WT1: variants seen among roughly 807,000 people sequenced by gnomAD.
The protein encoded by WT1 is WT1 transcription factor.
In WT1, 8 loss-of-function variants were observed where a neutral mutation model predicts 60.8. The observed-to-expected ratio is 0.13, with a 90% CI of 0.08 to 0.24. WT1 has a LOEUF of 0.24. Among genes scored for constraint, WT1 ranks in the 10% least tolerant of loss-of-function variants. The probability of loss-of-function intolerance (pLI) is 1.00; values close to 1 mark genes in which losing one functional copy is unlikely to be tolerated. For missense variants in WT1, 568 were observed against 711.8 expected (o/e 0.80, Z 2.30); for synonymous variants, 312 against 297.1 (o/e 1.05, Z -0.52).
At chr11:32,415,599 A>G (rs1323839215) in intron 5 of WT1, among the ~76,000 whole-genome samples, 2 of 152,220 alleles carry the variant, frequency 1.3e-5, no homozygotes, top group Non-Finnish European at 2.9e-5. Flanking sequence ...GGTGAGCGAG[A>G]TGGCACCATT....
chr11:32,430,474 GAGAGA>G (rs1853257742), intron 1 of WT1: 3 of 1,566,546 alleles, frequency 1.9e-6, no homozygotes, highest in African/African-American at 2.7e-5. Flanking sequence ...GAGAGAGAGA[GAGAGA>G]GAGAGAGAGA....
At chr11:32,414,872 CAAAA>C (rs551997180) in intron 5 of WT1, among the ~76,000 whole-genome samples, 5 of 88,736 alleles carry the variant, frequency 5.6e-5, no homozygotes, top group African/African-American at 3.7e-5. Flanking sequence ...GACTCCATAT[CAAAA>C]AAAAAAAAAA....
At chr11:32,401,664 G>A (rs189303745) in intron 5 of WT1, among the ~76,000 whole-genome samples, 17 of 151,994 alleles carry the variant, frequency 1.1e-4, no homozygotes, top group Admixed American at 3.9e-4. Context: ...CTCAGCCTCC[G>A]GAGTAGCTGG....
chr11:32,408,565 AAGGAAGGCAG>A (rs1318947643), intron 5 of WT1, among the ~76,000 whole-genome samples: 1 of 150,256 alleles, frequency 6.7e-6, no homozygotes, highest in Non-Finnish European at 1.5e-5. Flanking sequence ...AAAAGAAAAG[AAGGAAGGCAG>A]AGGAAGGGAG....
At chr11:32,399,025 G>A (rs5030267) in intron 6 of WT1, among the ~76,000 whole-genome samples, 6,902 of 151,332 alleles carry the variant, frequency 0.046, 212 homozygotes, top group Non-Finnish European at 0.074. Flanking sequence ...GCGTGGTGGT[G>A]GGCACCTGTA....
intron 7 of WT1, among the ~76,000 whole-genome samples, chr11:32,392,959 C>A (rs1340756873): frequency 6.7e-6 from 1 of 148,686 alleles, no homozygotes; most frequent in South Asian, 2.1e-4. Context: ...AGGCTCACAT[C>A]TAGCTCTGCC....
At chr11:32,402,056 G>A (rs552201103) in intron 5 of WT1, among the ~76,000 whole-genome samples, 1 of 152,256 alleles carries the variant, frequency 6.6e-6, no homozygotes, top group African/African-American at 2.4e-5. Flanking sequence ...AGTGCCTGAA[G>A]GAAAGAGTGT....
At chr11:32,405,813 G>T in intron 5 of WT1, among the ~76,000 whole-genome samples, 1 of 152,196 alleles carries the variant, frequency 6.6e-6, no homozygotes, top group East Asian at 1.9e-4. Flanking sequence ...GGTTTAAGGA[G>T]ACATTGCGTT....
chr11:32,399,429 A>G (rs5030263), intron 6 of WT1, among the ~76,000 whole-genome samples: 6,957 of 152,314 alleles, frequency 0.046, 216 homozygotes, highest in Non-Finnish European at 0.074. Flanking sequence ...CCACATCAAT[A>G]CAAAATGGTA....
At chr11:32,394,534 A>G (rs1554939491) in intron 7 of WT1, among the ~76,000 whole-genome samples, 1 of 152,190 alleles carries the variant, frequency 6.6e-6, no homozygotes. Context: ...GAGGATTATA[A>G]CCTGCAGTTA....
rs147241955 is a variant in WT1, at chr11:32,396,367, C to T, written c.1154G>A (p.Arg385Gln). The T allele has an allele frequency of 4.6e-5, 74 of 1,614,080 alleles. No individual in the cohort carries two copies. In the East Asian group the frequency reaches 1.3e-3, roughly 29 times the overall value. ...TTTCTCACTGGTCTCAGATGCCGAC[C>T]GTACAAGAGTCGGGGCTACTCCAGG... The change falls in exon 7 of 10, where the codon CGG (arginine) becomes CAG (glutamine). Residue 385 changes from arginine to glutamine, a missense_variant. By Grantham distance (43) the Arg-to-Gln change is conservative. Coordinates refer to ENST00000452863, the MANE Select transcript of WT1 (RefSeq NM_024426.6).
chr11:32,424,677 T>C (rs1852967068), intron 3 of WT1, among the ~76,000 whole-genome samples: 1 of 152,224 alleles, frequency 6.6e-6, no homozygotes, highest in African/African-American at 2.4e-5. Flanking sequence ...TTCTATTCAC[T>C]GTTGTTCATA....
Position 32,435,292 on chromosome 11 carries a change from G to C in WT1, c.69C>G (p.Leu23=). The C allele has an allele frequency of 6.5e-7, 1 of 1,533,674 alleles. No homozygotes were observed. Among genetic ancestry groups the C allele is most frequent in the Non-Finnish European group, 8.7e-7 (1 of 1,146,512 alleles). ...GCTGTAGGCACCCAGGCCCGGAGCG[G>C]AGCGTGTGCTGAGACGCCGGCTCCG... Residue 23 remains leucine (L), a synonymous_variant, in exon 1 of 10, where the codon CTC becomes CTG. Transcript: ENST00000452863.
Position 32,388,860 on chromosome 11 carries a change from T to C in WT1, c.*198A>G. 1 of 926,236 alleles carries C rather than the reference T, an allele frequency of 1.1e-6. No individual in the cohort carries two copies. Among genetic ancestry groups the C allele is most frequent in the South Asian group, 1.7e-5 (1 of 58,200 alleles). The allele number at this position is 926,236 out of a possible 1,614,324, so 57.4% of individuals were successfully genotyped here. ...GCTTCTCCAGGGCCTGTGAGTCAACTAAAAGTAGGCAGGGCAGAGACCAAC... is the reference window on the plus strand; with the variant it reads ...GCTTCTCCAGGGCCTGTGAGTCAACCAAAAGTAGGCAGGGCAGAGACCAAC... On this transcript the variant is annotated 3_prime_UTR_variant, in exon 10 of 10. Coordinates refer to ENST00000452863, the MANE Select transcript of WT1 (RefSeq NM_024426.6).
In WT1 at chr11:32,398,922, C is replaced by T. The variant is rs571652517; in HGVS notation, c.1113+1026G>A. 4.6e-5 allele frequency among the ~76,000 whole-genome samples: 7 copies of T among 151,308 alleles called. No homozygotes were observed. The South Asian group carries it at 1.3e-3, about 27-fold the overall frequency. On this transcript the variant is annotated intron_variant, in intron 6 of 9. Coordinates refer to ENST00000452863, the MANE Select transcript of WT1 (RefSeq NM_024426.6). ...CTGTAATCCCAGCACTTTGGGAGGCCGAGGCGAGTGGATCACCAGGTCAGG... is the reference window on the plus strand; with the variant it reads ...CTGTAATCCCAGCACTTTGGGAGGCTGAGGCGAGTGGATCACCAGGTCAGG...
At chr11:32,401,449 T>C (rs1852151725) in intron 5 of WT1, among the ~76,000 whole-genome samples, 3 of 151,318 alleles carry the variant, frequency 2.0e-5, no homozygotes, top group Non-Finnish European at 2.9e-5. Context: ...TTGTACACTC[T>C]AAATCGGTGA....
In WT1 at chr11:32,420,552, A is replaced by T. The variant is rs552287870; in HGVS notation, c.888-2898T>A. On this transcript the variant is annotated intron_variant, in intron 3 of 9. Coordinates refer to ENST00000452863, the MANE Select transcript of WT1 (RefSeq NM_024426.6). The stretch of plus-strand genomic sequence containing the variant: ...ACTTTGTGAGGCAGATGTAATTCTG[A>T]GTCCCCATTTATTAGATGAGGGTTG... Among the ~76,000 whole-genome samples the T allele has an allele frequency of 2.6e-5, 4 of 152,296 alleles. No individual in the cohort carries two copies. The East Asian group carries it at 7.7e-4, about 29-fold the overall frequency.
chr11:32,389,277 C>A lies in WT1; in HGVS notation c.1448-98G>T, dbSNP rs1487073933. 5.0e-6 allele frequency: 8 copies of A among 1,596,192 alleles called. No homozygotes were observed. In the Admixed American group the frequency reaches 1.3e-4, roughly 27 times the overall value. ...GTGAAGTCATCACAAGGCACCCACT[C>A]TGAATTTCCCATCATTCTGTCCCTG... On this transcript the variant is annotated intron_variant, in intron 9 of 9. Transcript: ENST00000452863.
At chr11:32,390,508 C>T (rs1176229376) in intron 9 of WT1, among the ~76,000 whole-genome samples, 1 of 152,184 alleles carries the variant, frequency 6.6e-6, no homozygotes, top group Non-Finnish European at 1.5e-5. Context: ...AACCATGGGC[C>T]ACAGGTGCCT....
Sources: gnomAD v4.1 joint callset for allele counts (sites outside exome capture counted in the v4.1 genomes callset) on GRCh38, gnomAD v4.1.1 for gene constraint, MANE v1.5 for transcripts, NCBI Gene and HGNC (gene_info 2026-07-23, HGNC 2026-07-21) for gene names.